Variants in RIMS2 observed in about 807,000 individuals in gnomAD.
RIMS2 encodes regulating synaptic membrane exocytosis 2, also known as regulating synaptic membrane exocytosis protein 2.
RIMS2 carries 59 observed loss-of-function variants against 174.4 expected under a neutral mutation model. The ratio of observed to expected loss-of-function variants is 0.34; its 90% CI spans 0.27 to 0.42. The LOEUF is 0.42. Ranked by LOEUF, RIMS2 falls within the 10% of genes least tolerant of loss-of-function variation. The pLI, the probability that RIMS2 is intolerant of heterozygous loss-of-function variation, is 1.00. For missense variants in RIMS2, 1,620 were observed against 1,666.3 expected, an observed-to-expected ratio of 0.97 and a Z score of 0.48; for synonymous variants, 606 against 572.5, an observed-to-expected ratio of 1.06 and a Z score of -0.84.
At chr8:103,565,630 T>G (rs551143465) in intron 1 of RIMS2, among the ~76,000 whole-genome samples, 3 of 152,160 alleles carry the variant, frequency 2.0e-5, no homozygotes, top group Non-Finnish European at 4.4e-5. Context: ...TTTTATATAA[T>G]TGTATAAAAA....
intron 4 of RIMS2, among the ~76,000 whole-genome samples, chr8:103,908,611 C>T (rs1023943822): frequency 2.6e-5 from 4 of 152,120 alleles, no homozygotes; most frequent in African/African-American, 9.7e-5. Flanking sequence ...GTTATTAATG[C>T]CAGAAACCGG....
intron 19 of RIMS2, among the ~76,000 whole-genome samples, chr8:104,051,530 T>C (rs1382728832): frequency 6.6e-6 from 1 of 151,708 alleles, no homozygotes; most frequent in Non-Finnish European, 1.5e-5. Context: ...GTTGGGTTCA[T>C]AGGGAAATCA....
At chr8:104,224,228 C>T (rs1302651850) in intron 19 of RIMS2, among the ~76,000 whole-genome samples, 1 of 152,118 alleles carries the variant, frequency 6.6e-6, no homozygotes, top group Non-Finnish European at 1.5e-5. Context: ...CTATGAAAAC[C>T]CAAGATCGGA....
chr8:103,787,443 A>C (rs1288435370), intron 3 of RIMS2, among the ~76,000 whole-genome samples: 1 of 150,462 alleles, frequency 6.6e-6, no homozygotes, highest in East Asian at 2.0e-4. Flanking sequence ...CGCTTCCTTC[A>C]GGAGCTCTTT....
At chr8:104,208,439 G>A (rs1235874838) in intron 19 of RIMS2, among the ~76,000 whole-genome samples, 1 of 151,850 alleles carries the variant, frequency 6.6e-6, no homozygotes, top group African/African-American at 2.4e-5. Context: ...GCAATGGCGG[G>A]CACCTGTAAT....
chr8:103,522,331 T>C (rs1832114942), intron 1 of RIMS2, among the ~76,000 whole-genome samples: 1 of 152,098 alleles, frequency 6.6e-6, no homozygotes, highest in Non-Finnish European at 1.5e-5. Context: ...CTTAAGATCA[T>C]ATGGAGTAGA....
At chr8:104,079,641 A>ATG (rs1491083405) in intron 19 of RIMS2, among the ~76,000 whole-genome samples, 5 of 125,460 alleles carry the variant, frequency 4.0e-5, no homozygotes, top group East Asian at 2.4e-4. Context: ...ATATATATAT[A>ATG]TGAAGTAAAA....
intron 1 of RIMS2, among the ~76,000 whole-genome samples, chr8:103,633,724 ATTCGGG>A (rs892484097): frequency 1.6e-4 from 25 of 152,250 alleles, no homozygotes; most frequent in African/African-American, 6.0e-4. Context: ...TTATTGGTCC[ATTCGGG>A]GAATCAGTTT....
chr8:103,736,716 T>C (rs2097689880), intron 2 of RIMS2, among the ~76,000 whole-genome samples: 1 of 152,184 alleles, frequency 6.6e-6, no homozygotes, highest in South Asian at 2.1e-4. Flanking sequence ...TTTTGGTTTG[T>C]TCTTGGGAGG....
chr8:104,145,052 T>A (rs756132119), intron 19 of RIMS2, among the ~76,000 whole-genome samples: 2 of 152,232 alleles, frequency 1.3e-5, no homozygotes, highest in African/African-American at 4.8e-5. Flanking sequence ...TACATTGTCT[T>A]TTATTGATGA....
intron 3 of RIMS2, among the ~76,000 whole-genome samples, chr8:103,792,928 A>G (rs1230686417): frequency 9.2e-5 from 14 of 152,152 alleles, no homozygotes; most frequent in Non-Finnish European, 1.5e-5. Flanking sequence ...TCTGAAATTG[A>G]GGCAATAATT....
At chr8:103,821,608 G>A (rs981175622) in intron 3 of RIMS2, among the ~76,000 whole-genome samples, 1 of 151,638 alleles carries the variant, frequency 6.6e-6, no homozygotes, top group Non-Finnish European at 1.5e-5. Flanking sequence ...GAAAAAATAA[G>A]TATATGAATT....
intron 1 of RIMS2, among the ~76,000 whole-genome samples, chr8:103,675,060 G>A (rs1292254622): frequency 2.0e-5 from 3 of 151,992 alleles, no homozygotes; most frequent in East Asian, 3.9e-4. Flanking sequence ...ACAGGCACTC[G>A]CCACCATGGC....
intron 2 of RIMS2, among the ~76,000 whole-genome samples, chr8:103,724,171 T>C (rs2097496582): frequency 6.6e-6 from 1 of 152,076 alleles, no homozygotes; most frequent in Non-Finnish European, 1.5e-5. Context: ...TCTGTTCTTA[T>C]TTCTGTGTTC....
At chr8:104,093,728 C>A in intron 19 of RIMS2, 85 bp downstream of exon 24, 1 of 1,045,302 alleles carries the variant, frequency 9.6e-7, no homozygotes, top group Non-Finnish European at 1.4e-6. Context: ...TTATTTATTT[C>A]TAACAGGTTA....
chr8:104,142,441 C>A (rs555222689), intron 19 of RIMS2, among the ~76,000 whole-genome samples: 1 of 151,952 alleles, frequency 6.6e-6, no homozygotes, highest in Non-Finnish European at 1.5e-5. Context: ...AAGTAAATAT[C>A]TTTTAAATAA....
intron 19 of RIMS2, among the ~76,000 whole-genome samples, chr8:104,171,511 TA>T (rs1586491076): frequency 6.6e-6 from 1 of 152,114 alleles, no homozygotes; most frequent in East Asian, 1.9e-4. Context: ...GTTATATATA[TA>T]TATCTCTCTC....
intron 2 of RIMS2, among the ~76,000 whole-genome samples, chr8:103,757,532 A>G (rs975684664): frequency 1.3e-5 from 2 of 152,088 alleles, no homozygotes; most frequent in Admixed American, 6.6e-5. Context: ...CACTTGTGCT[A>G]TTGGGCTATA....
intron 1 of RIMS2, 126 bp from the exon 3 acceptor site, chr8:103,652,498 A>G (rs2096469754): frequency 2.2e-6 from 1 of 459,420 alleles, no homozygotes; most frequent in Non-Finnish European, 3.9e-6. Flanking sequence ...CTGGATGATA[A>G]TTGGAGCTCA....
Sources: allele counts gnomAD v4.1 joint callset (sites outside exome capture counted in the v4.1 genomes callset), GRCh38; gene constraint gnomAD v4.1.1; transcripts MANE v1.5; gene names NCBI Gene and HGNC (gene_info 2026-07-23, HGNC 2026-07-21).